ADH4: variants seen among roughly 807,000 people sequenced by gnomAD.
ADH4 encodes alcohol dehydrogenase 4 (class II), pi polypeptide.
In ADH4, 31 loss-of-function variants were observed where a neutral mutation model predicts 35.2. The observed-to-expected ratio is 0.88, with a 90% confidence interval of 0.66 to 1.19. The LOEUF (loss-of-function observed/expected upper bound fraction) is 1.19. Among genes scored for constraint, ADH4 ranks in the 50% most tolerant of loss-of-function variants. The pLI is 0.00. For synonymous variants in ADH4, 171 were observed against 160.2 expected (o/e 1.07, Z -0.51); for missense variants, 476 against 458.3 (o/e 1.04, Z -0.35).
rs745850704 is a variant in ADH4, at chr4:99,136,450, G to A, written c.582+16C>T. 3.7e-6 allele frequency: 6 copies of A among 1,603,168 alleles called. No homozygotes were observed. In the South Asian group the frequency reaches 6.6e-5, roughly 18 times the overall value. On this transcript the variant is annotated intron_variant, in intron 5 of 8. Coordinates refer to ENST00000265512, the MANE Select transcript of ADH4 (RefSeq NM_000670.5). ...AGTAACTTCTGTTTTACACAAACTG[G>A]TGTTTAACCATTTACCTTGGCATTG...
chr4:99,138,999 C>A, intron 4 of ADH4, 62 bp downstream of exon 4: 2 of 1,289,160 alleles, frequency 1.6e-6, no homozygotes, highest in South Asian at 1.3e-5. Context: ...TAGGTAATGT[C>A]AATATGCTTT....
chr4:99,143,692 A>T (rs1421863423), intron 1 of ADH4, among the ~76,000 whole-genome samples: 1 of 145,928 alleles, frequency 6.9e-6, no homozygotes, highest in Non-Finnish European at 1.6e-5. Flanking sequence ...TTTCAAATGA[A>T]GTATATATTA....
chr4:99,126,551 G>T, intron 8 of ADH4, 43 bp downstream of exon 8: 4 of 1,529,834 alleles, frequency 2.6e-6, no homozygotes, highest in Non-Finnish European at 3.6e-6. Flanking sequence ...TAGAATCATT[G>T]TAAACGTTTT....
chr4:99,126,471 C>T, intron 8 of ADH4, 123 bp downstream of exon 8: 1 of 943,124 alleles, frequency 1.1e-6, no homozygotes, highest in Non-Finnish European at 1.6e-6. Flanking sequence ...CTTTTAAGCA[C>T]ATCTAGTACC....
chr4:99,144,230 T>G lies in ADH4; in HGVS notation c.-8A>C, dbSNP rs1560783258. On this transcript the variant is annotated 5_prime_UTR_variant, in exon 1 of 9. Transcript: ENST00000265512. ...TTTGCCCTTGGTGCCCATTTTTCTT[T>G]GGGAAACTGTGTTGGAAGTTTCTTT... 6.2e-7 allele frequency: 1 copy of G among 1,613,418 alleles called. No homozygotes were observed. The highest frequency in any genetic ancestry group is 2.2e-5 in the East Asian group (1 of 44,864).
At chr4:99,128,987 G>T (rs1729186080) in intron 6 of ADH4, among the ~76,000 whole-genome samples, 1 of 151,878 alleles carries the variant, frequency 6.6e-6, no homozygotes, top group South Asian at 2.1e-4. Flanking sequence ...TTTAGTAGAG[G>T]TGGGTTTTTG....
intron 8 of ADH4, among the ~76,000 whole-genome samples, 157 bp downstream of exon 8, chr4:99,126,437 C>T (rs781314542): frequency 2.0e-5 from 3 of 152,082 alleles, no homozygotes; most frequent in South Asian, 2.1e-4. Context: ...AAGGTTTTCC[C>T]CTCTGAAATG....
At position 99,136,484 on chromosome 4, in the gene ADH4, A is replaced by G; in HGVS notation, c.564T>C (p.Ala188=). ...CATTTACCTTGGCATTGTTGATTGC[A>G]GCCCCATAGCCAGTTGAAAACCCAC... ...LGCGFSTGYG[A]AINNAKVTPG... The change falls in exon 5 of 9, where the codon GCT becomes GCC. Residue 188 remains alanine, a synonymous_variant. Coordinates refer to ENST00000265512, the MANE Select transcript of ADH4 (RefSeq NM_000670.5). The G allele has an allele frequency of 6.2e-7, 1 of 1,614,122 alleles. No homozygotes were observed.
intron 3 of ADH4, among the ~76,000 whole-genome samples, chr4:99,140,649 C>T (rs1729580723): frequency 6.6e-6 from 1 of 151,890 alleles, no homozygotes; most frequent in South Asian, 2.1e-4. Flanking sequence ...GGGTGGATCA[C>T]CTGAGGTCAG....
At chr4:99,137,981 G>C (rs1157927739) in intron 4 of ADH4, among the ~76,000 whole-genome samples, 1 of 152,014 alleles carries the variant, frequency 6.6e-6, no homozygotes, top group African/African-American at 2.4e-5. Context: ...TTGTCCTATA[G>C]AGTTTTTCTC....
At chr4:99,142,104 A>C (rs1027773918) in intron 2 of ADH4, among the ~76,000 whole-genome samples, 8 of 152,184 alleles carry the variant, frequency 5.3e-5, no homozygotes, top group African/African-American at 1.9e-4. Context: ...TGTCCCATTC[A>C]CTCTCATGTA....
chr4:99,143,032 A>T, intron 1 of ADH4: 2 of 667,710 alleles, frequency 3.0e-6, no homozygotes, highest in South Asian at 3.3e-5. Context: ...AAACAGGTGT[A>T]TTAAAGTTTA....
chr4:99,136,903 A>T (rs1729451960), intron 4 of ADH4, among the ~76,000 whole-genome samples: 1 of 152,148 alleles, frequency 6.6e-6, no homozygotes, highest in Admixed American at 6.6e-5. Flanking sequence ...ACAATTTTTT[A>T]AAAAGTGACA....
rs1729699941 is a variant in ADH4 at position 99,143,387 on chromosome 4, A to T, written c.19-607T>A. 9.2e-6 allele frequency: 4 copies of T among 436,890 alleles called. No individual in the cohort carries two copies. The South Asian group carries it at 2.3e-4, about 25-fold the overall frequency. The allele number at this position is 436,890 out of a possible 1,614,324, so 27.1% of individuals were successfully genotyped here. ...CATCATTATTAAATTTATCTGTAGG[A>T]TATAAATTAAATAAAAATTTCATCT... On this transcript the variant is annotated intron_variant, in intron 1 of 8. Coordinates refer to ENST00000265512, the MANE Select transcript of ADH4 (RefSeq NM_000670.5).
intron 7 of ADH4, 58 bp downstream of exon 7, chr4:99,127,151 A>G (rs1729120923): frequency 7.0e-7 from 1 of 1,426,354 alleles, no homozygotes; most frequent in Middle Eastern, 1.8e-4. Context: ...CCTTCACTCT[A>G]AGAATTTCAG....
chr4:99,131,744 A>C lies in ADH4; in HGVS notation c.603T>G (p.Cys201Trp), dbSNP rs1177869897. The change falls in exon 6 of 9, where the codon TGT (cysteine) becomes TGG (tryptophan). Residue 201 changes from cysteine to tryptophan, a missense_variant. Physicochemically the swap from Cys to Trp is radical, Grantham distance 215. Coordinates refer to ENST00000265512, the MANE Select transcript of ADH4 (RefSeq NM_000670.5). ...CCACACCTCCTAGGCCAAAGACAGC[A>C]CAAGTCGAACCAGGGGTGACCTGCA... ...NNAKVTPGST[C>W]AVFGLGGVGL... The C allele has an allele frequency of 6.2e-7, 1 of 1,613,982 alleles. No homozygotes were observed. The highest frequency in any genetic ancestry group is 8.5e-7 in the Non-Finnish European group (1 of 1,179,984).
chr4:99,131,459 C>T, intron 6 of ADH4, 45 bp downstream of exon 6: 1 of 1,586,570 alleles, frequency 6.3e-7, no homozygotes, highest in Non-Finnish European at 8.6e-7. Context: ...ATTTGACAGC[C>T]AAAGAATACA....
At chr4:99,141,189 G>A (rs1396513337) in intron 3 of ADH4, among the ~76,000 whole-genome samples, 2 of 152,148 alleles carry the variant, frequency 1.3e-5, no homozygotes, top group Non-Finnish European at 2.9e-5. Flanking sequence ...ATGGCTGACA[G>A]CTTCATCCAT....
At chr4:99,124,648 G>A (rs1231503065) in intron 8 of ADH4, among the ~76,000 whole-genome samples, 182 bp from the exon 9 acceptor site, 6 of 152,102 alleles carry the variant, frequency 3.9e-5, no homozygotes, top group Non-Finnish European at 8.8e-5. Context: ...AATATTTTAT[G>A]CATGTGCTAG....
Sources: gnomAD v4.1 joint callset for allele counts (sites outside exome capture counted in the v4.1 genomes callset) on GRCh38, gnomAD v4.1.1 for gene constraint, MANE v1.5 for transcripts, NCBI Gene and HGNC (gene_info 2026-07-23, HGNC 2026-07-21) for gene names.